ZNF600: variants seen among roughly 807,000 people sequenced by gnomAD.
ZNF600 encodes zinc finger protein KR-ZNF1.
Under a neutral mutation model 7.3 loss-of-function variants are expected in ZNF600, and 4 were observed. The observed-to-expected ratio is 0.55, with a 90% CI of 0.27 to 1.25. ZNF600 has a LOEUF of 1.25. Among genes scored for constraint, ZNF600 ranks in the 50% most tolerant of loss-of-function variants. The pLI is 0.12. For synonymous variants in ZNF600, 290 were observed against 308.9 expected (o/e 0.94, Z 0.64); for missense variants, 911 against 922.1 (o/e 0.99, Z 0.16).
At chr19:52,831,831 G>A in the ZNF600 span, among the ~76,000 whole-genome samples, 1 of 151,740 alleles carries the variant, frequency 6.6e-6, no homozygotes. Context: ...GTAGATACAG[G>A]GTTTCCCCAT....
At chr19:52,780,240 A>G (rs1458290741) in intron 1 of ZNF600, among the ~76,000 whole-genome samples, 2 of 152,204 alleles carry the variant, frequency 1.3e-5, no homozygotes, top group African/African-American at 2.4e-5. Flanking sequence ...AACTTTCTAA[A>G]TTAACTGAGA....
chr19:52,822,856 A>G, the ZNF600 span, among the ~76,000 whole-genome samples: 1 of 152,208 alleles, frequency 6.6e-6, no homozygotes, highest in Non-Finnish European at 1.5e-5. Context: ...GTAAATAATA[A>G]AATTTAGAAT....
At chr19:52,778,476 G>A (rs1482907733) in intron 2 of ZNF600, among the ~76,000 whole-genome samples, 1 of 152,058 alleles carries the variant, frequency 6.6e-6, no homozygotes, top group Non-Finnish European at 1.5e-5. Flanking sequence ...TATTTCATAT[G>A]TAGTTTCTCT....
chr19:52,785,102 C>T (rs1031076291), intron 1 of ZNF600, among the ~76,000 whole-genome samples: 1 of 151,958 alleles, frequency 6.6e-6, no homozygotes, highest in African/African-American at 2.4e-5. Context: ...CCCCTTCTCT[C>T]TCTAGCTCTT....
intron 1 of ZNF600, among the ~76,000 whole-genome samples, chr19:52,786,277 G>A (rs980392986): frequency 6.6e-6 from 1 of 152,108 alleles, no homozygotes; most frequent in Admixed American, 6.5e-5. Flanking sequence ...GGGACGTGGT[G>A]GGCGACGGCA....
chr19:52,828,574 T>G, the ZNF600 span, among the ~76,000 whole-genome samples: 1 of 152,136 alleles, frequency 6.6e-6, no homozygotes, highest in Non-Finnish European at 1.5e-5. Context: ...TATACGCATT[T>G]CCCTTAGTTA....
chr19:52,795,214 G>C, the ZNF600 span, among the ~76,000 whole-genome samples: 109,266 of 151,964 alleles, frequency 0.72, 40,690 homozygotes, highest in Non-Finnish European at 0.83. Context: ...TCACTATTTA[G>C]TCAGATGACA....
At chr19:52,810,023 C>T in the ZNF600 span, 24 of 745,708 alleles carry the variant, frequency 3.2e-5, no homozygotes, top group African/African-American at 2.4e-4. Flanking sequence ...AGCCGGAGCC[C>T]GAAGAGGAGC....
chr19:52,790,680 TCC>T (rs1491210673), upstream of ZNF600, among the ~76,000 whole-genome samples: 1 of 130,284 alleles, frequency 7.7e-6, no homozygotes, highest in African/African-American at 2.9e-5. Flanking sequence ...TCTCTCTCTC[TCC>T]TTTTTTTTTT....
intron 3 of ZNF600, 60 bp from the exon 6 acceptor site, chr19:52,767,832 G>A: frequency 2.0e-6 from 3 of 1,502,674 alleles, no homozygotes; most frequent in Admixed American, 2.4e-5. Flanking sequence ...TCATACTGAA[G>A]TGTGTAAATA....
In ZNF600 at chr19:52,783,422, C is replaced by G. The variant is rs373832185; in HGVS notation, c.-20+3173G>C. Among the ~76,000 whole-genome samples, 6 of 152,202 alleles carry G rather than the reference C, an allele frequency of 3.9e-5. No homozygotes were observed. In the East Asian group the frequency reaches 9.7e-4, roughly 25 times the overall value. On this transcript the variant is annotated intron_variant, in intron 1 of 3. Transcript: ENST00000648973. ...TGTCGCCCAGGCTGGAGGGCAGTGG[C>G]GCGATCTCGGCTCACTGCAAGCTCC... is the stretch of plus-strand genomic sequence containing the variant.
chr19:52,764,580 C>T (rs576842810), exon 4 of ZNF600: 3 of 149,658 alleles, frequency 2.0e-5, no homozygotes, highest in East Asian at 4.0e-4. Flanking sequence ...TGCAGTGGCA[C>T]GATGTTGGCT....
At chr19:52,809,931 G>A in the ZNF600 span, 11 of 861,144 alleles carry the variant, frequency 1.3e-5, no homozygotes, top group Non-Finnish European at 1.7e-5. Context: ...TGGGGAGGCC[G>A]GGGAGGTTGC....
At chr19:52,822,928 A>C in the ZNF600 span, among the ~76,000 whole-genome samples, 6 of 152,188 alleles carry the variant, frequency 3.9e-5, no homozygotes. Flanking sequence ...TGGAAACGTC[A>C]ACTCCAAATG....
chr19:52,777,632 C>T (rs776434235), intron 2 of ZNF600, among the ~76,000 whole-genome samples: 3 of 152,106 alleles, frequency 2.0e-5, no homozygotes, highest in Non-Finnish European at 4.4e-5. Flanking sequence ...GAGTTCGAGA[C>T]CAGCCTAACC....
At chr19:52,804,773 G>C in the ZNF600 span, among the ~76,000 whole-genome samples, 1 of 152,168 alleles carries the variant, frequency 6.6e-6, no homozygotes, top group Non-Finnish European at 1.5e-5. Context: ...TGAAAGTGCT[G>C]GGATTAGAAA....
chr19:52,828,971 C>T, the ZNF600 span, among the ~76,000 whole-genome samples: 1 of 152,124 alleles, frequency 6.6e-6, no homozygotes, highest in Non-Finnish European at 1.5e-5. Flanking sequence ...CGCCATTCTC[C>T]TGCCTCAGAC....
chr19:52,814,840 T>C, the ZNF600 span, among the ~76,000 whole-genome samples: 1 of 146,494 alleles, frequency 6.8e-6, no homozygotes, highest in East Asian at 2.0e-4. Flanking sequence ...TGAGCCAAGA[T>C]CACACCACTG....
chr19:52,765,646 T>A, exon 4 of ZNF600: 1 of 1,614,018 alleles, frequency 6.2e-7, no homozygotes, highest in Non-Finnish European at 8.5e-7. Context: ...GACTGCTTGC[T>A]AAAGGCTTTG....
Sources: gnomAD v4.1 joint callset for allele counts (sites outside exome capture counted in the v4.1 genomes callset) on GRCh38, gnomAD v4.1.1 for gene constraint, MANE v1.5 for transcripts, NCBI Gene and HGNC (gene_info 2026-07-23, HGNC 2026-07-21) for gene names.